Variants in CSMD1 observed in about 807,000 individuals in gnomAD.
CSMD1 encodes CUB and Sushi multiple domains 1, also known as CUB and sushi domain-containing protein 1.
CSMD1 carries 213 observed loss-of-function variants against 417.5 expected under a neutral mutation model. The observed-to-expected ratio is 0.51, with a 90% CI of 0.46 to 0.57. The LOEUF is 0.57. Among genes scored for constraint, CSMD1 ranks in the 20% least tolerant of loss-of-function variants. The pLI is 0.00. For synonymous variants in CSMD1, 2,862 were observed against 1,736.8 expected, an observed-to-expected ratio of 1.65 and a Z score of -16.11; for missense variants, 6,923 against 4,529.7, an observed-to-expected ratio of 1.53 and a Z score of -15.17.
At chr8:3,900,290 C>A (rs113613214) in intron 5 of CSMD1, among the ~76,000 whole-genome samples, 4 of 138,726 alleles carry the variant, frequency 2.9e-5, no homozygotes, top group Non-Finnish European at 6.2e-5. Flanking sequence ...AGTGCAGCTG[C>A]GTGACACTGT....
At chr8:4,088,068 T>G (rs1018053162) in intron 3 of CSMD1, among the ~76,000 whole-genome samples, 12 of 152,242 alleles carry the variant, frequency 7.9e-5, no homozygotes, top group Non-Finnish European at 1.3e-4. Context: ...ACAATCACAG[T>G]AACAATGACT....
chr8:3,407,714 T>C (rs890262600), intron 14 of CSMD1, among the ~76,000 whole-genome samples, 185 bp downstream of exon 14: 1 of 152,210 alleles, frequency 6.6e-6, no homozygotes, highest in African/African-American at 2.4e-5. Context: ...CCTATCTAAA[T>C]ACAGTGATAC....
At chr8:3,801,424 G>C (rs1425012073) in intron 5 of CSMD1, among the ~76,000 whole-genome samples, 1 of 152,102 alleles carries the variant, frequency 6.6e-6, no homozygotes, top group African/African-American at 2.4e-5. Flanking sequence ...GCCACAATGA[G>C]ATACCATTTC....
intron 3 of CSMD1, among the ~76,000 whole-genome samples, chr8:4,043,575 G>A (rs528641429): frequency 1.5e-3 from 231 of 152,266 alleles, no homozygotes; most frequent in South Asian, 4.8e-3. Flanking sequence ...CTGTCTGGCC[G>A]CCTTGAGGGG....
At chr8:3,519,753 T>A (rs750537427) in intron 10 of CSMD1, among the ~76,000 whole-genome samples, 1 of 152,142 alleles carries the variant, frequency 6.6e-6, no homozygotes, top group African/African-American at 2.4e-5. Flanking sequence ...TGTGTAAAGA[T>A]AGAAAGTTGG....
rs531189399 is a variant in CSMD1 at position 4,702,122 on chromosome 8, G to A, written c.86-64564C>T. Reference sequence around the variant, plus strand: ...GGAGCCTGTCAGGGATGAGGTGGGCGAAGGTAGAGCACTAGGAAAAATAGC... The same window carrying A: ...GGAGCCTGTCAGGGATGAGGTGGGCAAAGGTAGAGCACTAGGAAAAATAGC... On this transcript the variant is annotated intron_variant, in intron 1 of 69. Transcript: ENST00000635120. Among the ~76,000 whole-genome samples, 51 of 152,270 alleles carry A rather than the reference G, an allele frequency of 3.3e-4. No individual in the cohort carries two copies. In the South Asian group the frequency reaches 8.5e-3, roughly 25 times the overall value.
At chr8:4,924,947 G>T (rs1030849257) in intron 1 of CSMD1, among the ~76,000 whole-genome samples, 126 of 152,128 alleles carry the variant, frequency 8.3e-4, no homozygotes, top group African/African-American at 2.9e-3. Context: ...TCTGTATTAT[G>T]CAACGGAAGA....
rs1797767023 is a variant in CSMD1, at chr8:3,526,671, T to A, written c.1345-32945A>T. 2.0e-5 allele frequency among the ~76,000 whole-genome samples: 3 copies of A among 152,190 alleles called. No homozygotes were observed. In the South Asian group the frequency reaches 6.2e-4, roughly 32 times the overall value. On this transcript the variant is annotated intron_variant, in intron 10 of 69. Transcript: ENST00000635120. ...CGATATTTTACACTATTTGCCCGGATGCAAAATAAAAGATCTGGCTTCAAA... is the reference window on the plus strand; with the variant it reads ...CGATATTTTACACTATTTGCCCGGAAGCAAAATAAAAGATCTGGCTTCAAA...
At chr8:3,512,931 G>A (rs1382824695) in intron 10 of CSMD1, among the ~76,000 whole-genome samples, 1 of 152,010 alleles carries the variant, frequency 6.6e-6, no homozygotes, top group Non-Finnish European at 1.5e-5. Flanking sequence ...TGGGCCCGTT[G>A]TATAACCATA....
Position 3,000,024 on chromosome 8 carries a change from C to T in CSMD1, c.8137G>A (p.Val2713Met), listed in dbSNP as rs199979403. The T allele has an allele frequency of 1.5e-5, 24 of 1,607,470 alleles. No individual in the cohort carries two copies. The highest frequency in any genetic ancestry group is 2.0e-5 in the Non-Finnish European group (23 of 1,178,828). ...VYQCNPGFRLVGTSVRICLQD... is the reference protein window; with the variant it reads ...VYQCNPGFRLMGTSVRICLQD... The stretch of plus-strand genomic sequence containing the variant: ...AGGCATATCCTCACGGAAGTTCCCA[C>T]AAGCCGGAAACCAGGATTGCACTGG... Residue 2713 changes from valine to methionine, a missense_variant, in exon 53 of 70, where the codon GTG (valine) becomes ATG (methionine). Coordinates refer to ENST00000635120, the MANE Select transcript of CSMD1 (RefSeq NM_033225.6).
At chr8:4,321,127 G>T (rs1287678008) in intron 3 of CSMD1, among the ~76,000 whole-genome samples, 1 of 152,016 alleles carries the variant, frequency 6.6e-6, no homozygotes, top group Admixed American at 6.6e-5. Context: ...ATCAATCAAA[G>T]GCAGGAAGAG....
chr8:3,350,882 T>C (rs1276781912), intron 21 of CSMD1, among the ~76,000 whole-genome samples: 5 of 152,174 alleles, frequency 3.3e-5, no homozygotes. Context: ...TAATAAATGG[T>C]AGTAACTAAG....
At chr8:4,021,819 A>G (rs1032201807) in intron 4 of CSMD1, among the ~76,000 whole-genome samples, 5 of 152,140 alleles carry the variant, frequency 3.3e-5, no homozygotes, top group African/African-American at 1.2e-4. Context: ...TAAAGAAACT[A>G]AAGACCCGGG....
At chr8:4,922,824 T>G (rs758679073) in intron 1 of CSMD1, among the ~76,000 whole-genome samples, 1 of 152,190 alleles carries the variant, frequency 6.6e-6, no homozygotes, top group Non-Finnish European at 1.5e-5. Flanking sequence ...GGGAAATGAC[T>G]TGAGGAATTC....
chr8:3,619,295 A>T (rs551470874), intron 7 of CSMD1, among the ~76,000 whole-genome samples: 98 of 152,284 alleles, frequency 6.4e-4, no homozygotes, highest in African/African-American at 2.3e-3. Context: ...GTTGATCTCA[A>T]CGTTCAGAGG....
At chr8:3,244,051 A>C (rs1799719774) in intron 26 of CSMD1, among the ~76,000 whole-genome samples, 1 of 152,198 alleles carries the variant, frequency 6.6e-6, no homozygotes, top group East Asian at 1.9e-4. Flanking sequence ...GTAGAAAAAT[A>C]CATAAAGCAA....
intron 49 of CSMD1, among the ~76,000 whole-genome samples, chr8:3,084,752 T>C (rs896030363): frequency 4.6e-5 from 7 of 152,088 alleles, no homozygotes; most frequent in African/African-American, 1.7e-4. Flanking sequence ...TTAAAACTTT[T>C]ATAATTCCTT....
intron 7 of CSMD1, among the ~76,000 whole-genome samples, chr8:3,646,770 A>T (rs1797594735): frequency 6.6e-6 from 1 of 152,068 alleles, no homozygotes; most frequent in East Asian, 1.9e-4. Flanking sequence ...ATGGATAACC[A>T]CCAGGGGCAT....
At chr8:3,518,989 TAAA>T (rs1797393841) in intron 10 of CSMD1, among the ~76,000 whole-genome samples, 1 of 152,214 alleles carries the variant, frequency 6.6e-6, no homozygotes, top group Non-Finnish European at 1.5e-5. Flanking sequence ...AACTGAAATA[TAAA>T]TGATCTGTTT....
Sources: allele counts gnomAD v4.1 joint callset (sites outside exome capture counted in the v4.1 genomes callset), GRCh38; gene constraint gnomAD v4.1.1; transcripts MANE v1.5; gene names NCBI Gene and HGNC (gene_info 2026-07-23, HGNC 2026-07-21).